Variants in SV2C observed in about 807,000 individuals in gnomAD.
SV2C encodes synaptic vesicle glycoprotein 2C.
A neutral mutation model predicts 79.7 loss-of-function variants in SV2C; 49 were observed. That is an observed-to-expected ratio of 0.61 (90% CI 0.49 to 0.78). The LOEUF (loss-of-function observed/expected upper bound fraction) is 0.78, where lower values mean the gene tolerates loss of function less well. Among genes scored for constraint, SV2C ranks in the 30% least tolerant of loss-of-function variants. SV2C has a pLI of 0.00. For synonymous variants in SV2C, 334 were observed against 333.2 expected (o/e 1.00, Z -0.03); for missense variants, 833 against 912.9 (o/e 0.91, Z 1.13).
chr5:75,960,032 G>C, the SV2C span, among the ~76,000 whole-genome samples: 4 of 152,066 alleles, frequency 2.6e-5, no homozygotes, highest in South Asian at 8.3e-4. Flanking sequence ...ACTTTCTTAA[G>C]AGTGGCATCA....
At chr5:76,207,885 TG>T (rs1744653142) in intron 3 of SV2C, among the ~76,000 whole-genome samples, 1 of 152,236 alleles carries the variant, frequency 6.6e-6, no homozygotes, top group Non-Finnish European at 1.5e-5. Context: ...AGCTATCCAT[TG>T]TATGAGCTCC....
chr5:76,108,332 T>A (rs1421962273), intron 1 of SV2C, among the ~76,000 whole-genome samples: 1 of 152,082 alleles, frequency 6.6e-6, no homozygotes, highest in African/African-American at 2.4e-5. Context: ...TTAAAAGAGA[T>A]AAAATTGGAG....
rs946930943 is a variant in SV2C, at chr5:76,204,447, G to T, written c.762-5289G>T. ...TGTATTGAACATGTGACTTTACAAT[G>T]ATTATTCAACTTTCTCCTTAATTAT... On this transcript the variant is annotated intron_variant, in intron 3 of 12. Transcript: ENST00000502798. 3.9e-5 allele frequency among the ~76,000 whole-genome samples: 6 copies of T among 152,160 alleles called. 1 individual carries two copies. The highest frequency in any genetic ancestry group is 3.9e-4 in the Admixed American group (6 of 15,274).
At chr5:76,022,327 A>T in the SV2C span, among the ~76,000 whole-genome samples, 1 of 152,220 alleles carries the variant, frequency 6.6e-6, no homozygotes, top group Non-Finnish European at 1.5e-5. Flanking sequence ...CTTCAGGATC[A>T]TCAGGCTTAG....
At chr5:75,978,784 G>A in the SV2C span, among the ~76,000 whole-genome samples, 13 of 152,052 alleles carry the variant, frequency 8.5e-5, no homozygotes, top group South Asian at 4.2e-4. Flanking sequence ...TGACCCATTC[G>A]TATGCTGTCT....
intron 4 of SV2C, among the ~76,000 whole-genome samples, chr5:76,264,553 T>G (rs1223474534): frequency 6.6e-6 from 1 of 152,212 alleles, no homozygotes; most frequent in Admixed American, 6.5e-5. Context: ...TGCTGGTTTT[T>G]CCTTGTCTTC....
At chr5:75,933,592 G>T in the SV2C span, among the ~76,000 whole-genome samples, 80 of 152,278 alleles carry the variant, frequency 5.3e-4, no homozygotes, top group African/African-American at 1.8e-3. Flanking sequence ...CCTAGGGCAG[G>T]ACCATCAGTG....
the SV2C span, among the ~76,000 whole-genome samples, chr5:75,865,142 G>A: frequency 6.6e-6 from 1 of 152,194 alleles, no homozygotes; most frequent in Non-Finnish European, 1.5e-5. Flanking sequence ...AGGAACAATT[G>A]AGCATGGGAC....
At chr5:76,034,149 C>T in the SV2C span, among the ~76,000 whole-genome samples, 2 of 150,856 alleles carry the variant, frequency 1.3e-5, no homozygotes, top group African/African-American at 4.9e-5. Context: ...AGATTTTGGG[C>T]TGAGACAATG....
the SV2C span, among the ~76,000 whole-genome samples, chr5:75,899,487 T>C: frequency 4.4e-4 from 67 of 152,248 alleles, no homozygotes; most frequent in African/African-American, 1.5e-3. Context: ...TACTTCCAAG[T>C]ATGTGGTCAA....
At chr5:76,073,826 A>G in the SV2C span, among the ~76,000 whole-genome samples, 1 of 152,080 alleles carries the variant, frequency 6.6e-6, no homozygotes, top group Admixed American at 6.5e-5. Flanking sequence ...GGGTGCACCA[A>G]CATCTCAGAA....
intron 1 of SV2C, among the ~76,000 whole-genome samples, chr5:76,104,436 A>G (rs1287368584): frequency 1.3e-5 from 2 of 152,194 alleles, no homozygotes; most frequent in African/African-American, 2.4e-5. Context: ...TGCAGTGGCT[A>G]TTCAGAGGCC....
At chr5:76,121,998 A>G (rs1292767799) in intron 1 of SV2C, among the ~76,000 whole-genome samples, 1 of 152,106 alleles carries the variant, frequency 6.6e-6, no homozygotes, top group Non-Finnish European at 1.5e-5. Flanking sequence ...CTTCCTACCC[A>G]TGAGCATGGA....
the SV2C span, among the ~76,000 whole-genome samples, chr5:75,989,902 T>A: frequency 2.0e-5 from 3 of 152,032 alleles, no homozygotes; most frequent in African/African-American, 7.2e-5. Flanking sequence ...GAGCTTTTTT[T>A]TTTTCATATG....
At chr5:76,034,954 A>G in the SV2C span, among the ~76,000 whole-genome samples, 56 of 152,114 alleles carry the variant, frequency 3.7e-4, no homozygotes, top group Middle Eastern at 3.2e-3. Flanking sequence ...TCAGAGATTC[A>G]AGTTCTCCTG....
At chr5:76,117,916 A>G (rs1006265414) in intron 1 of SV2C, among the ~76,000 whole-genome samples, 18 of 152,190 alleles carry the variant, frequency 1.2e-4, no homozygotes, top group Admixed American at 1.2e-3. Flanking sequence ...TTCACAGTGA[A>G]AAACACTGTG....
At chr5:76,185,305 A>G (rs2134236) in intron 2 of SV2C, among the ~76,000 whole-genome samples, 120,849 of 152,192 alleles carry the variant, frequency 0.79, 48,566 homozygotes, top group East Asian at 0.91. Context: ...AGCTGTTGGC[A>G]GATCTACCAT....
At chr5:75,851,865 G>A in the SV2C span, among the ~76,000 whole-genome samples, 1 of 152,088 alleles carries the variant, frequency 6.6e-6, no homozygotes, top group Admixed American at 6.5e-5. Flanking sequence ...GGGTTTCACC[G>A]TCTTAGCCAG....
chr5:75,961,943 C>A, the SV2C span, among the ~76,000 whole-genome samples: 3 of 152,020 alleles, frequency 2.0e-5, no homozygotes, highest in Non-Finnish European at 2.9e-5. Flanking sequence ...TTCATGCTAT[C>A]TGAAAGAAAG....
Sources: gnomAD v4.1 joint callset for allele counts (sites outside exome capture counted in the v4.1 genomes callset) on GRCh38, gnomAD v4.1.1 for gene constraint, MANE v1.5 for transcripts, NCBI Gene and HGNC (gene_info 2026-07-23, HGNC 2026-07-21) for gene names.